The following CDC123 variants were observed in gnomAD, a reference collection of about 807,000 sequenced individuals.
The protein encoded by CDC123 is cell division cycle 123.
Under a neutral mutation model 54.4 loss-of-function variants are expected in CDC123, and 37 were observed. The observed-to-expected ratio is 0.68, with a 90% CI of 0.52 to 0.89. The LOEUF (loss-of-function observed/expected upper bound fraction) is 0.89. Ranked by LOEUF, CDC123 falls within the 40% of genes least tolerant of loss-of-function variation. The pLI is 0.00. For synonymous variants in CDC123, 144 were observed against 136.8 expected (o/e 1.05, Z -0.37); for missense variants, 361 against 412.1 (o/e 0.88, Z 1.07).
In CDC123 at chr10:12,212,233, C is replaced by T. The variant is rs150669006; in HGVS notation, c.237+1911C>T. Among the ~76,000 whole-genome samples the T allele has an allele frequency of 1.2e-4, 18 of 152,256 alleles. No homozygotes were observed. The East Asian group carries it at 2.3e-3, about 20-fold the overall frequency. ...TGTAACATCCTGGTAGCAGTGAGCA[C>T]GCCTGATGCCTTGATCTTGGTTTCT... On this transcript the variant is annotated intron_variant, in intron 4 of 12. Transcript: ENST00000281141.
At chr10:12,221,094 A>C (rs58824434) in intron 6 of CDC123, among the ~76,000 whole-genome samples, 4,134 of 151,584 alleles carry the variant, frequency 0.027, 193 homozygotes, top group African/African-American at 0.095. Flanking sequence ...TATATAACAT[A>C]AAAATGAGAT....
At chr10:12,209,293 G>A (rs1253110096) in intron 2 of CDC123, among the ~76,000 whole-genome samples, 1 of 152,112 alleles carries the variant, frequency 6.6e-6, no homozygotes, top group Admixed American at 6.5e-5. Context: ...CTATAGTGCA[G>A]CGGTGTGATC....
At chr10:12,246,113 ATGTT>A (rs1564260506) in intron 10 of CDC123, 32 bp from the exon 11 acceptor site, 2 of 1,602,864 alleles carry the variant, frequency 1.2e-6, no homozygotes, top group African/African-American at 1.3e-5. Flanking sequence ...AGTACAGAAG[ATGTT>A]TGTTTTTGTT....
At chr10:12,236,535 G>A (rs1003739244) in intron 8 of CDC123, among the ~76,000 whole-genome samples, 1 of 151,650 alleles carries the variant, frequency 6.6e-6, no homozygotes, top group Admixed American at 6.6e-5. Flanking sequence ...GAAAGTGGAG[G>A]TTGTAATAAG....
chr10:12,204,149 A>T (rs1046736470), intron 2 of CDC123, among the ~76,000 whole-genome samples: 3 of 151,804 alleles, frequency 2.0e-5, no homozygotes, highest in African/African-American at 7.3e-5. Context: ...TTGGGGTTTA[A>T]TTAATCACTG....
chr10:12,226,509 C>T (rs911910661), intron 6 of CDC123, among the ~76,000 whole-genome samples: 15 of 148,468 alleles, frequency 1.0e-4, no homozygotes, highest in African/African-American at 3.3e-4. Context: ...ACGGGGCGGC[C>T]GGGCAGAGAG....
chr10:12,221,012 A>C (rs1387582761), intron 6 of CDC123, among the ~76,000 whole-genome samples: 3 of 151,458 alleles, frequency 2.0e-5, no homozygotes, highest in African/African-American at 7.3e-5. Context: ...ATTCTTTCCA[A>C]AATACTTCCC....
chr10:12,218,715 T>C (rs530771401), intron 6 of CDC123, among the ~76,000 whole-genome samples: 5 of 152,334 alleles, frequency 3.3e-5, no homozygotes, highest in African/African-American at 1.2e-4. Context: ...AGCTAACTCT[T>C]TGTGCACTCC....
intron 6 of CDC123, among the ~76,000 whole-genome samples, chr10:12,224,312 C>G (rs754714271): frequency 1.3e-4 from 18 of 135,562 alleles, no homozygotes; most frequent in Admixed American, 7.4e-4. Flanking sequence ...TCTTTCCTTT[C>G]TAAAAATTTG....
At chr10:12,196,887 A>G (rs1219575232) in intron 1 of CDC123, among the ~76,000 whole-genome samples, 2 of 152,258 alleles carry the variant, frequency 1.3e-5, no homozygotes, top group Non-Finnish European at 2.9e-5. Context: ...ACTTAAAAAC[A>G]TCAGGTAGGC....
At chr10:12,210,808 C>G (rs553420530) in intron 4 of CDC123, among the ~76,000 whole-genome samples, 1 of 152,168 alleles carries the variant, frequency 6.6e-6, no homozygotes, top group Non-Finnish European at 1.5e-5. Flanking sequence ...TCAAGCTATT[C>G]TCCTGCCTCA....
intron 1 of CDC123, among the ~76,000 whole-genome samples, chr10:12,198,288 C>T (rs1387497881): frequency 6.6e-6 from 1 of 152,198 alleles, no homozygotes; most frequent in Non-Finnish European, 1.5e-5. Flanking sequence ...CAGATCTTGA[C>T]TCTACTTCTG....
intron 10 of CDC123, among the ~76,000 whole-genome samples, chr10:12,244,597 A>G (rs1836103670): frequency 6.6e-6 from 1 of 151,174 alleles, no homozygotes; most frequent in Non-Finnish European, 1.5e-5. Flanking sequence ...AGAACAGGAC[A>G]AGGTAGACAT....
chr10:12,198,576 T>A (rs999499724), intron 1 of CDC123, 129 bp from the exon 2 acceptor site: 12 of 654,942 alleles, frequency 1.8e-5, no homozygotes, highest in Admixed American at 6.0e-5. Context: ...CTACCAAATG[T>A]ACATCATTAA....
At chr10:12,203,658 G>A (rs989824322) in intron 2 of CDC123, among the ~76,000 whole-genome samples, 25 of 152,254 alleles carry the variant, frequency 1.6e-4, no homozygotes, top group Middle Eastern at 3.4e-3. Flanking sequence ...TATGAGATGG[G>A]CACCAAGGAA....
chr10:12,226,638 C>T (rs966008809), intron 6 of CDC123, among the ~76,000 whole-genome samples: 1 of 151,200 alleles, frequency 6.6e-6, no homozygotes, highest in African/African-American at 2.4e-5. Flanking sequence ...GGCAGAGGCG[C>T]TCCTCACATC....
At chr10:12,209,136 A>G (rs1284864218) in intron 2 of CDC123, among the ~76,000 whole-genome samples, 1 of 152,146 alleles carries the variant, frequency 6.6e-6, no homozygotes, top group African/African-American at 2.4e-5. Flanking sequence ...ATTATCAGCA[A>G]TGGAGTCTTT....
chr10:12,242,280 A>G (rs1334383373), intron 10 of CDC123, among the ~76,000 whole-genome samples: 34 of 152,326 alleles, frequency 2.2e-4, no homozygotes, highest in Admixed American at 3.9e-4. Context: ...TCCTTTGGGA[A>G]GCATTTCCAG....
intron 2 of CDC123, among the ~76,000 whole-genome samples, chr10:12,201,460 T>A (rs1000331269): frequency 6.6e-6 from 1 of 151,684 alleles, no homozygotes; most frequent in African/African-American, 2.4e-5. Context: ...ATGTGAAGAT[T>A]GGAGGAATGT....
Sources: gnomAD v4.1 joint callset for allele counts (sites outside exome capture counted in the v4.1 genomes callset) on GRCh38, gnomAD v4.1.1 for gene constraint, MANE v1.5 for transcripts, NCBI Gene and HGNC (gene_info 2026-07-23, HGNC 2026-07-21) for gene names.